ZPBP: variants seen among roughly 807,000 people sequenced by gnomAD.
ZPBP encodes the protein zona pellucida binding protein.
Under a neutral mutation model 44.8 loss-of-function variants are expected in ZPBP, and 26 were observed. The observed-to-expected ratio is 0.58, with a 90% CI of 0.43 to 0.81. ZPBP has a LOEUF of 0.81. Ranked by LOEUF, ZPBP falls within the 30% of genes least tolerant of loss-of-function variation. The pLI is 0.00. For missense variants in ZPBP, 409 were observed against 434.0 expected, an observed-to-expected ratio of 0.94 and a Z score of 0.51; for synonymous variants, 174 against 153.2, an observed-to-expected ratio of 1.14 and a Z score of -1.00.
At chr7:50,027,406 A>C (rs1799387894) in intron 5 of ZPBP, among the ~76,000 whole-genome samples, 1 of 152,062 alleles carries the variant, frequency 6.6e-6, no homozygotes, top group African/African-American at 2.4e-5. Flanking sequence ...GGAAATTAGA[A>C]AATACTTGTA....
intron 3 of ZPBP, among the ~76,000 whole-genome samples, chr7:50,076,689 A>G (rs1368537917): frequency 6.6e-6 from 1 of 151,774 alleles, no homozygotes; most frequent in East Asian, 1.9e-4. Context: ...AATTAACCAA[A>G]AAAGTGAAAG....
intron 7 of ZPBP, among the ~76,000 whole-genome samples, chr7:49,956,673 T>C (rs913926237): frequency 6.6e-6 from 1 of 152,142 alleles, no homozygotes; most frequent in African/African-American, 2.4e-5. Flanking sequence ...GCTATGTTCA[T>C]GGATCTAAAG....
rs551139877 is a variant in ZPBP, at chr7:49,874,648, TCTTC to T, written n.510-24138_510-24135del. On this transcript the variant is annotated intron_variant and non_coding_transcript_variant, in intron 2 of 2. Transcript: ENST00000465922. ...GTGACAGGATTGGGGGTATTTATGT[TCTTC>T]CTTTTTCTTTTCTGGAATTTATAAA... Among the ~76,000 whole-genome samples the T allele has an allele frequency of 3.7e-3, 563 of 152,300 alleles. 4 individuals are homozygous for T. Among genetic ancestry groups the T allele is most frequent in the Non-Finnish European group, 5.1e-3 (348 of 68,016 alleles).
intron 6 of ZPBP, among the ~76,000 whole-genome samples, chr7:50,008,397 G>T (rs1200917099): frequency 2.0e-5 from 3 of 151,984 alleles, no homozygotes; most frequent in Non-Finnish European, 4.4e-5. Context: ...TAAAGGAAAA[G>T]ACATCACATT....
chr7:50,079,593 A>G (rs1324245110), intron 3 of ZPBP, among the ~76,000 whole-genome samples: 1 of 151,578 alleles, frequency 6.6e-6, no homozygotes, highest in Non-Finnish European at 1.5e-5. Context: ...CAAGAGTATA[A>G]AATTTCAGTT....
chr7:50,024,160 G>A (rs1462462869), intron 5 of ZPBP, among the ~76,000 whole-genome samples: 1 of 152,090 alleles, frequency 6.6e-6, no homozygotes, highest in Non-Finnish European at 1.5e-5. Context: ...GATAGATAAT[G>A]TAGTGGTGAC....
intron 2 of ZPBP, among the ~76,000 whole-genome samples, chr7:49,886,199 AG>A (rs1791897809): frequency 6.6e-6 from 1 of 152,184 alleles, no homozygotes. Flanking sequence ...GAGGGAAGTG[AG>A]GGGACCTTGG....
chr7:49,949,997 AC>A (rs1795267795), intron 7 of ZPBP, among the ~76,000 whole-genome samples: 1 of 151,914 alleles, frequency 6.6e-6, no homozygotes, highest in Non-Finnish European at 1.5e-5. Flanking sequence ...ATATCTTGTG[AC>A]CCAATATTAG....
intron 1 of ZPBP, among the ~76,000 whole-genome samples, chr7:49,927,938 G>A (rs1172990338): frequency 1.3e-5 from 2 of 152,170 alleles, no homozygotes; most frequent in East Asian, 1.9e-4. Context: ...GACAGATTTC[G>A]ATATGAACAC....
At chr7:50,041,605 A>G (rs1160567088) in intron 4 of ZPBP, among the ~76,000 whole-genome samples, 1 of 152,210 alleles carries the variant, frequency 6.6e-6, no homozygotes, top group Non-Finnish European at 1.5e-5. Context: ...AAGGAGTAGC[A>G]TCGACATCAA....
intron 6 of ZPBP, among the ~76,000 whole-genome samples, chr7:49,995,074 G>A (rs1163129137): frequency 6.6e-6 from 1 of 152,174 alleles, no homozygotes; most frequent in Non-Finnish European, 1.5e-5. Flanking sequence ...CACTGAGGCA[G>A]AAGGTCCCCA....
At chr7:49,981,432 T>C (rs1246704350) in intron 7 of ZPBP, among the ~76,000 whole-genome samples, 1 of 49,016 alleles carries the variant, frequency 2.0e-5, no homozygotes, top group Non-Finnish European at 3.2e-5. Flanking sequence ...ATATAAAATA[T>C]ATATAATATA....
chr7:49,959,016 G>C (rs1425699445), intron 7 of ZPBP, among the ~76,000 whole-genome samples: 1 of 152,116 alleles, frequency 6.6e-6, no homozygotes, highest in Non-Finnish European at 1.5e-5. Context: ...AGAAATGCAA[G>C]TGTTGGTTCA....
chr7:49,945,891 GT>G (rs1192575168), intron 7 of ZPBP, among the ~76,000 whole-genome samples: 4 of 151,846 alleles, frequency 2.6e-5, no homozygotes, highest in African/African-American at 9.7e-5. Context: ...TTTTCTGGTT[GT>G]TTTGTGGTCT....
intron 7 of ZPBP, among the ~76,000 whole-genome samples, chr7:49,970,139 G>A (rs756421579): frequency 6.6e-6 from 1 of 152,140 alleles, no homozygotes; most frequent in Non-Finnish European, 1.5e-5. Context: ...GGGATAACAG[G>A]TGTTAGCTAC....
chr7:50,029,336 G>T (rs1267312494), intron 5 of ZPBP, among the ~76,000 whole-genome samples: 1 of 152,090 alleles, frequency 6.6e-6, no homozygotes, highest in Non-Finnish European at 1.5e-5. Context: ...TATACAATTA[G>T]CTCAAAATGA....
In ZPBP at chr7:49,974,940, T is replaced by C. The variant is rs578244668; in HGVS notation, c.961+8402A>G. On this transcript the variant is annotated intron_variant, in intron 7 of 7. Coordinates refer to ENST00000046087, the MANE Select transcript of ZPBP (RefSeq NM_007009.3). ...ATGCCAAAGACCCAGCACGGGGAAA[T>C]GGAGTGACTGGCTCCACAGCCTAGT... Among the ~76,000 whole-genome samples the C allele has an allele frequency of 6.0e-4, 24 of 40,114 alleles. No homozygotes were observed. In the South Asian group the frequency reaches 0.015, roughly 26 times the overall value. 26.3% of individuals were successfully genotyped at this position (40,114 alleles called of 152,430 possible).
intron 2 of ZPBP, among the ~76,000 whole-genome samples, chr7:49,852,697 G>A (rs890437903): frequency 5.3e-5 from 8 of 151,912 alleles, no homozygotes; most frequent in Non-Finnish European, 1.0e-4. Flanking sequence ...GATGGGGGAC[G>A]GGCCTTGCTC....
At chr7:49,852,275 T>C (rs1790211160) in intron 2 of ZPBP, among the ~76,000 whole-genome samples, 1 of 152,208 alleles carries the variant, frequency 6.6e-6, no homozygotes, top group African/African-American at 2.4e-5. Context: ...CAGGGGGTCA[T>C]GGTGGCTCTG....
Sources: gnomAD v4.1 joint callset for allele counts (sites outside exome capture counted in the v4.1 genomes callset) on GRCh38, gnomAD v4.1.1 for gene constraint, MANE v1.5 for transcripts, NCBI Gene and HGNC (gene_info 2026-07-23, HGNC 2026-07-21) for gene names.